TMOD1: variants seen among roughly 807,000 people sequenced by gnomAD.
TMOD1 encodes tropomodulin 1.
TMOD1 carries 17 observed loss-of-function variants against 40.6 expected under a neutral mutation model. That is an observed-to-expected ratio of 0.42 (90% CI 0.29 to 0.63). The LOEUF (loss-of-function observed/expected upper bound fraction) is 0.63, where lower values mean the gene tolerates loss of function less well. Among genes scored for constraint, TMOD1 ranks in the 20% least tolerant of loss-of-function variants. The pLI, the probability that TMOD1 is intolerant of heterozygous loss-of-function variation, is 0.22. For missense variants in TMOD1, 391 were observed against 447.6 expected, an observed-to-expected ratio of 0.87 and a Z score of 1.14; for synonymous variants, 181 against 175.0, an observed-to-expected ratio of 1.03 and a Z score of -0.27.
At chr9:97,531,618 G>C (rs1830104134) in intron 2 of TMOD1, among the ~76,000 whole-genome samples, 1 of 152,026 alleles carries the variant, frequency 6.6e-6, no homozygotes, top group Non-Finnish European at 1.5e-5. Context: ...CTCAAAAACA[G>C]AGTTCTGAGA....
intron 9 of TMOD1, among the ~76,000 whole-genome samples, chr9:97,597,282 C>T (rs571761849): frequency 5.9e-5 from 9 of 152,292 alleles, no homozygotes; most frequent in African/African-American, 1.9e-4. Flanking sequence ...GTGACTTATT[C>T]GTAACTTGGA....
At chr9:97,584,108 G>A (rs1431052770) in intron 8 of TMOD1, among the ~76,000 whole-genome samples, 7 of 148,906 alleles carry the variant, frequency 4.7e-5, no homozygotes, top group Admixed American at 3.3e-4. Context: ...TGTCAATTTT[G>A]GATCTTTCCT....
intron 4 of TMOD1, among the ~76,000 whole-genome samples, chr9:97,556,116 G>T (rs948328591): frequency 6.6e-6 from 1 of 151,704 alleles, no homozygotes; most frequent in African/African-American, 2.4e-5. Context: ...GGGTGTTCTG[G>T]AGGATGGGGG....
At chr9:97,586,225 A>G (rs982092910) in intron 8 of TMOD1, among the ~76,000 whole-genome samples, 1 of 152,140 alleles carries the variant, frequency 6.6e-6, no homozygotes, top group Non-Finnish European at 1.5e-5. Context: ...CTTCTAACAG[A>G]GAGGACCCTC....
intron 1 of TMOD1, among the ~76,000 whole-genome samples, chr9:97,506,218 C>T (rs1011502856): frequency 6.6e-6 from 1 of 152,168 alleles, no homozygotes; most frequent in Non-Finnish European, 1.5e-5. Context: ...CCCACAGCCC[C>T]CTGTGCCAAC....
At chr9:97,587,187 G>T (rs1825897425) in intron 8 of TMOD1, among the ~76,000 whole-genome samples, 1 of 152,198 alleles carries the variant, frequency 6.6e-6, no homozygotes, top group East Asian at 1.9e-4. Flanking sequence ...TTCCAGGTTT[G>T]TCTATTACAT....
chr9:97,571,877 C>T (rs2031999), intron 8 of TMOD1, among the ~76,000 whole-genome samples: 84,041 of 152,160 alleles, frequency 0.55, 23,641 homozygotes, highest in African/African-American at 0.66. Context: ...TGAGCCTCTT[C>T]TTTGGTTCAT....
chr9:97,559,406 T>G (rs935982264), intron 4 of TMOD1, among the ~76,000 whole-genome samples: 16 of 151,940 alleles, frequency 1.1e-4, no homozygotes, highest in African/African-American at 3.6e-4. Context: ...GAAAGGACTT[T>G]GAGATCATCT....
chr9:97,591,190 C>T (rs933285851), intron 8 of TMOD1, 101 bp from the exon 9 acceptor site: 1 of 1,280,132 alleles, frequency 7.8e-7, no homozygotes, highest in Non-Finnish European at 1.1e-6. Flanking sequence ...AAATCCCCTC[C>T]CACTACTCAA....
chr9:97,557,754 T>C lies in TMOD1; in HGVS notation c.397+4354T>C, dbSNP rs1355352277. On this transcript the variant is annotated intron_variant, in intron 4 of 9. Transcript: ENST00000259365. The surrounding 1 kb of genome is among the most constrained non-coding windows in gnomAD (Gnocchi z 4.4). ...TGTGTGCTGTTATCTCTCTGCGTCC[T>C]GAGTGGAATTACCAAATGAGTGAAC... 6.6e-6 allele frequency among the ~76,000 whole-genome samples: 1 copy of C among 152,104 alleles called. No homozygotes were observed. Among genetic ancestry groups the C allele is most frequent in the African/African-American group, 2.4e-5 (1 of 41,428 alleles).
chr9:97,559,598 C>T (rs1830586081), intron 4 of TMOD1, among the ~76,000 whole-genome samples: 2 of 150,436 alleles, frequency 1.3e-5, no homozygotes, highest in South Asian at 4.2e-4. Flanking sequence ...AACCCCGTCT[C>T]TACTAAAAAT....
intron 8 of TMOD1, among the ~76,000 whole-genome samples, chr9:97,570,849 G>A (rs1830806853): frequency 6.6e-6 from 1 of 152,166 alleles, no homozygotes; most frequent in Non-Finnish European, 1.5e-5. Flanking sequence ...CTCAGTATGG[G>A]GCTTTGTTCA....
At chr9:97,593,050 G>A (rs1377281181) in intron 9 of TMOD1, among the ~76,000 whole-genome samples, 3 of 152,222 alleles carry the variant, frequency 2.0e-5, no homozygotes, top group African/African-American at 7.2e-5. Flanking sequence ...TGATCTGGCT[G>A]CAGTACCAGC....
At chr9:97,571,718 C>T (rs1002361335) in intron 8 of TMOD1, among the ~76,000 whole-genome samples, 1 of 152,212 alleles carries the variant, frequency 6.6e-6, no homozygotes, top group African/African-American at 2.4e-5. Context: ...GATTCAAACC[C>T]AGGTCTGTGT....
intron 6 of TMOD1, 145 bp from the exon 7 acceptor site, chr9:97,565,703 C>T (rs1032080528): frequency 2.3e-5 from 15 of 642,498 alleles, no homozygotes; most frequent in South Asian, 8.6e-5. Context: ...TTCAGTCGTC[C>T]GGGACAAAGC....
chr9:97,556,800 T>A (rs1340951878), intron 4 of TMOD1, among the ~76,000 whole-genome samples: 1 of 152,060 alleles, frequency 6.6e-6, no homozygotes, highest in African/African-American at 2.4e-5. Flanking sequence ...GGAAGAGCTA[T>A]GGAGAAGAGC....
chr9:97,515,667 G>T (rs76849000), intron 1 of TMOD1, among the ~76,000 whole-genome samples: 1 of 152,132 alleles, frequency 6.6e-6, no homozygotes, highest in Non-Finnish European at 1.5e-5. Context: ...AGCAAATTAC[G>T]TAGCCAGTCC....
chr9:97,599,248 G>A (rs1045343707), intron 9 of TMOD1, among the ~76,000 whole-genome samples: 2 of 152,140 alleles, frequency 1.3e-5, no homozygotes, highest in African/African-American at 4.8e-5. Context: ...ACATAGCTGG[G>A]GGAAATGTTT....
At chr9:97,573,753 A>C (rs1830859148) in intron 8 of TMOD1, among the ~76,000 whole-genome samples, 1 of 152,124 alleles carries the variant, frequency 6.6e-6, no homozygotes, top group South Asian at 2.1e-4. Context: ...TCCTCACAAT[A>C]TGGCAGCTAA....
Sources: gnomAD v4.1 joint callset for allele counts (sites outside exome capture counted in the v4.1 genomes callset) on GRCh38, gnomAD v4.1.1 for gene constraint, Gnocchi (gnomAD v3.1) non-coding constraint, MANE v1.5 for transcripts, NCBI Gene and HGNC (gene_info 2026-07-23, HGNC 2026-07-21) for gene names.